The following WDPCP variants were observed in gnomAD, a reference collection of about 807,000 sequenced individuals.
The protein encoded by WDPCP is WD repeat-containing and planar cell polarity effector protein fritz homolog.
In WDPCP, 71 loss-of-function variants were observed where a neutral mutation model predicts 93.1. The ratio of observed to expected loss-of-function variants is 0.76; its 90% CI spans 0.63 to 0.93. The LOEUF (loss-of-function observed/expected upper bound fraction) is 0.93. Among genes scored for constraint, WDPCP ranks in the 40% least tolerant of loss-of-function variants. The pLI is 0.00. For synonymous variants in WDPCP, 315 were observed against 315.0 expected (o/e 1.00, Z 0.00); for missense variants, 844 against 887.4 (o/e 0.95, Z 0.62).
At chr2:63,797,268 T>C (rs528642063) in intron 2 of WDPCP, among the ~76,000 whole-genome samples, 1 of 152,170 alleles carries the variant, frequency 6.6e-6, no homozygotes, top group Admixed American at 6.5e-5. Context: ...CCAGCTGCAG[T>C]TCCTACGAGG....
intron 14 of WDPCP, among the ~76,000 whole-genome samples, chr2:63,207,223 A>C (rs929436500): frequency 3.9e-5 from 6 of 152,130 alleles, no homozygotes; most frequent in African/African-American, 1.4e-4. Context: ...TGGCTCATGG[A>C]AATAATAGTG....
chr2:63,223,862 T>C (rs549250886), intron 14 of WDPCP, among the ~76,000 whole-genome samples: 114 of 152,126 alleles, frequency 7.5e-4, no homozygotes, highest in African/African-American at 2.6e-3. Context: ...ATATATGGGG[T>C]GTGTTTCTGG....
intron 12 of WDPCP, among the ~76,000 whole-genome samples, chr2:63,314,624 G>C (rs1158859050): frequency 6.6e-6 from 1 of 151,760 alleles, no homozygotes; most frequent in African/African-American, 2.4e-5. Context: ...TGTGTTCTTA[G>C]TCTCCTTTGC....
At chr2:63,707,234 TTCC>T (rs2103735196) in intron 2 of WDPCP, among the ~76,000 whole-genome samples, 1 of 152,336 alleles carries the variant, frequency 6.6e-6, no homozygotes, top group Admixed American at 6.5e-5. Context: ...TCCAACTTGG[TTCC>T]ATTCTCCCCG....
At chr2:63,256,959 G>A (rs1033104544) in intron 14 of WDPCP, among the ~76,000 whole-genome samples, 2 of 152,048 alleles carry the variant, frequency 1.3e-5, no homozygotes, top group East Asian at 3.9e-4. Context: ...CTGGGGTCCT[G>A]GTAACATATG....
chr2:63,433,266 TTGAC>T (rs940433041), intron 9 of WDPCP, among the ~76,000 whole-genome samples: 22 of 152,352 alleles, frequency 1.4e-4, no homozygotes, highest in African/African-American at 5.3e-4. Context: ...TGTTTGTTAA[TTGAC>T]TGAAGTCTGA....
intron 9 of WDPCP, among the ~76,000 whole-genome samples, chr2:63,415,807 T>C (rs546324923): frequency 2.8e-4 from 42 of 152,042 alleles, no homozygotes; most frequent in Admixed American, 2.1e-3. Context: ...GAGAAAAAGG[T>C]GAAGGGACTG....
intron 14 of WDPCP, among the ~76,000 whole-genome samples, chr2:63,214,749 T>G (rs188807769): frequency 7.6e-4 from 116 of 152,300 alleles, no homozygotes; most frequent in Non-Finnish European, 1.2e-3. Flanking sequence ...AATATCTCCT[T>G]AAGCTGATAT....
chr2:63,350,829 T>G (rs1376480312), intron 12 of WDPCP, among the ~76,000 whole-genome samples: 3 of 152,186 alleles, frequency 2.0e-5, no homozygotes, highest in African/African-American at 4.8e-5. Flanking sequence ...GTTTACCTAC[T>G]AAATGCAAAT....
intron 14 of WDPCP, among the ~76,000 whole-genome samples, chr2:63,202,130 G>C (rs752919508): frequency 2.7e-5 from 4 of 150,938 alleles, no homozygotes; most frequent in Non-Finnish European, 5.9e-5. Flanking sequence ...TAAACATTAA[G>C]TACTATATAT....
At chr2:63,619,876 C>G (rs1369319305) in intron 3 of WDPCP, among the ~76,000 whole-genome samples, 2 of 152,142 alleles carry the variant, frequency 1.3e-5, no homozygotes, top group Non-Finnish European at 2.9e-5. Flanking sequence ...GGAGAGCAAG[C>G]CAAAGCAGAG....
chr2:63,254,863 C>G (rs189291959), intron 14 of WDPCP, among the ~76,000 whole-genome samples: 25 of 152,220 alleles, frequency 1.6e-4, no homozygotes, highest in Non-Finnish European at 2.8e-4. Flanking sequence ...GTCTGTAAGT[C>G]TGATCCCTCA....
intron 17 of WDPCP, among the ~76,000 whole-genome samples, chr2:63,126,581 T>C (rs1669916460): frequency 1.3e-5 from 2 of 152,218 alleles, no homozygotes; most frequent in South Asian, 4.1e-4. Context: ...TGCCTTTGCC[T>C]TCCCAAATTC....
chr2:63,714,985 T>TA (rs1335357849), intron 2 of WDPCP, among the ~76,000 whole-genome samples: 3 of 152,120 alleles, frequency 2.0e-5, no homozygotes, highest in Non-Finnish European at 2.9e-5. Context: ...TATTCAGTCA[T>TA]AAAAAAAGAA....
chr2:63,505,189 C>T (rs1428224766), intron 1 of WDPCP, among the ~76,000 whole-genome samples: 1 of 152,012 alleles, frequency 6.6e-6, no homozygotes, highest in Non-Finnish European at 1.5e-5. Flanking sequence ...CCTTCATACT[C>T]TTTCTTCCCT....
chr2:63,462,297 C>A (rs1699068238), intron 6 of WDPCP, among the ~76,000 whole-genome samples: 1 of 152,078 alleles, frequency 6.6e-6, no homozygotes, highest in Admixed American at 6.5e-5. Flanking sequence ...GGGAACTGAA[C>A]AATGAGAATG....
intron 12 of WDPCP, among the ~76,000 whole-genome samples, chr2:63,360,765 C>T (rs1690385432): frequency 6.6e-6 from 1 of 152,150 alleles, no homozygotes; most frequent in Non-Finnish European, 1.5e-5. Context: ...TGGTCCAAAT[C>T]CCATCTTTTA....
intron 12 of WDPCP, among the ~76,000 whole-genome samples, chr2:63,370,733 GT>G (rs1299835214): frequency 1.3e-5 from 2 of 151,766 alleles, no homozygotes; most frequent in Non-Finnish European, 2.9e-5. Context: ...GTCAGTTTTG[GT>G]TTTTATTTAC....
chr2:63,327,300 C>A (rs1328360949), intron 12 of WDPCP, among the ~76,000 whole-genome samples: 1 of 152,116 alleles, frequency 6.6e-6, no homozygotes, highest in Non-Finnish European at 1.5e-5. Context: ...CCATCTATAC[C>A]AATTCTAAGT....
Sources: allele counts gnomAD v4.1 joint callset (sites outside exome capture counted in the v4.1 genomes callset), GRCh38; gene constraint gnomAD v4.1.1; transcripts MANE v1.5; gene names NCBI Gene and HGNC (gene_info 2026-07-23, HGNC 2026-07-21).